The following PCDH11X variants were observed in gnomAD, a reference collection of about 807,000 sequenced individuals.
PCDH11X encodes protocadherin 11 X-linked, also known as protocadherin-11 X-linked.
In PCDH11X, 18 loss-of-function variants were observed where a neutral mutation model predicts 53.3. That is an observed-to-expected ratio of 0.34 (90% CI 0.23 to 0.50). PCDH11X has a LOEUF of 0.50. Ranked by LOEUF, PCDH11X falls within the 20% of genes least tolerant of loss-of-function variation. PCDH11X has a pLI of 0.98. For missense variants in PCDH11X, 570 were observed against 1,032.4 expected (o/e 0.55, Z 6.14); for synonymous variants, 279 against 393.3 (o/e 0.71, Z 3.44).
At position 92,133,513 on chromosome X, in the gene PCDH11X, C is replaced by G. The variant is rs188481730; in HGVS notation, c.3034-67862C>G. 4.1e-4 allele frequency among the ~76,000 whole-genome samples: 46 copies of G among 111,617 alleles called. No individual in the cohort carries two copies. The East Asian group carries it at 0.01, about 25-fold the overall frequency. On this transcript the variant is annotated intron_variant, in intron 6 of 10. Transcript: ENST00000682573. ...TCCCGAGTAGCTGGGATTGCAGGAG[C>G]CTGCTACCACGCCGGGCTAATTTTG...
At chrX:92,411,940 GAGGAGGAGGAGTGGGA>G (rs1257635690) in intron 9 of PCDH11X, among the ~76,000 whole-genome samples, 3 of 21,621 alleles carry the variant, frequency 1.4e-4, no homozygotes, top group African/African-American at 2.8e-4. Flanking sequence ...GAGGAGGGGG[GAGGAGGAGGAGTGGGA>G]GGAGGAGGAG....
chrX:92,220,389 G>T (rs1417406171), intron 7 of PCDH11X, among the ~76,000 whole-genome samples: 4 of 97,864 alleles, frequency 4.1e-5, no homozygotes, highest in Non-Finnish European at 8.2e-5. Flanking sequence ...GTGGGCAAAG[G>T]ACATGAACAG....
intron 9 of PCDH11X, among the ~76,000 whole-genome samples, chrX:92,448,237 G>A (rs1221022002): frequency 9.1e-6 from 1 of 109,840 alleles, no homozygotes; most frequent in Non-Finnish European, 1.9e-5. Flanking sequence ...GAAATGTTAA[G>A]ACGTGAGATT....
intron 7 of PCDH11X, among the ~76,000 whole-genome samples, chrX:92,218,770 T>A (rs1190345405): frequency 9.0e-6 from 1 of 111,665 alleles, no homozygotes; most frequent in Non-Finnish European, 1.9e-5. Flanking sequence ...ACCAATATCC[T>A]TGATGAACAT....
chrX:92,505,807 T>C (rs1025181593), intron 10 of PCDH11X, among the ~76,000 whole-genome samples: 2 of 111,643 alleles, frequency 1.8e-5, no homozygotes, highest in African/African-American at 6.5e-5. Flanking sequence ...TATGGAATGC[T>C]TTCTATGTGC....
intron 6 of PCDH11X, among the ~76,000 whole-genome samples, chrX:91,971,928 G>T (rs1693983736): frequency 9.0e-6 from 1 of 111,259 alleles, no homozygotes; most frequent in African/African-American, 3.3e-5. Flanking sequence ...TTGGGGTATT[G>T]GGGAGATGTT....
intron 10 of PCDH11X, among the ~76,000 whole-genome samples, chrX:92,484,177 G>GTATGTATATATATGTATATATGTATATA (rs1569494532): frequency 7.5e-5 from 3 of 40,147 alleles, no homozygotes; most frequent in Non-Finnish European, 1.4e-4. Flanking sequence ...GTATATATAT[G>GTATGTATATATATGTATATATGTATATA]TATGTATATA....
intron 10 of PCDH11X, among the ~76,000 whole-genome samples, chrX:92,492,747 G>C (rs2073788999): frequency 9.2e-6 from 1 of 108,829 alleles, no homozygotes; most frequent in Non-Finnish European, 1.9e-5. Context: ...AAATTCAGAA[G>C]AGATAGGTGC....
intron 8 of PCDH11X, among the ~76,000 whole-genome samples, chrX:92,349,396 A>G (rs1409478522): frequency 1.1e-5 from 1 of 92,741 alleles, no homozygotes; most frequent in Non-Finnish European, 2.1e-5. Context: ...ACATGTATTT[A>G]TATAAGAATG....
At chrX:92,243,335 G>T (rs1005056845) in intron 7 of PCDH11X, among the ~76,000 whole-genome samples, 60 of 110,887 alleles carry the variant, frequency 5.4e-4, no homozygotes, top group African/African-American at 1.9e-3. Context: ...ATATCCAATT[G>T]CATGAGAAAC....
chrX:91,927,140 A>G (rs1426011895), intron 6 of PCDH11X, among the ~76,000 whole-genome samples: 1 of 108,433 alleles, frequency 9.2e-6, no homozygotes, highest in Non-Finnish European at 1.9e-5. Context: ...GCTAAATAAT[A>G]CACTCACATG....
intron 7 of PCDH11X, among the ~76,000 whole-genome samples, chrX:92,210,194 TG>T (rs1448678239): frequency 9.2e-6 from 1 of 108,517 alleles, no homozygotes; most frequent in African/African-American, 3.3e-5. Flanking sequence ...TATGCAAATT[TG>T]TGCAACCAGC....
At chrX:92,099,754 T>C (rs1003281961) in intron 6 of PCDH11X, among the ~76,000 whole-genome samples, 8 of 111,660 alleles carry the variant, frequency 7.2e-5, no homozygotes, top group African/African-American at 2.3e-4. Flanking sequence ...TTCATTGCTA[T>C]GTATCCTGCT....
rs750322432 is a variant in PCDH11X, at chrX:91,877,885, C to T, written c.1645C>T (p.Pro549Ser). ...TILAKDNGVP[P>S]LTSNVTVFVS... ...TCTGGCAAAAGATAACGGGGTACCA[C>T]CCTTAACCAGCAATGTCACAGTCTT... Residue 549 changes from proline to serine, a missense_variant, in exon 6 of 11, where the codon CCC becomes TCC. By Grantham distance (74) the Pro-to-Ser change is moderately conservative. Around this residue, in one of 6 missense-constraint regions of PCDH11X, gnomAD observed 226 missense variants for 457.5 expected, o/e 0.49. Coordinates refer to ENST00000682573, the MANE Select transcript of PCDH11X (RefSeq NM_032968.5). 8.3e-7 allele frequency: 1 copy of T among 1,209,788 alleles called. No homozygotes were observed. The highest frequency in any genetic ancestry group is 1.8e-5 in the African/African-American group (1 of 57,044).
chrX:92,505,158 T>C (rs1235865223), intron 10 of PCDH11X, among the ~76,000 whole-genome samples: 1 of 79,194 alleles, frequency 1.3e-5, no homozygotes, highest in Admixed American at 1.4e-4. Context: ...TTTTCTTTTT[T>C]TTTTTTTTGT....
intron 6 of PCDH11X, among the ~76,000 whole-genome samples, chrX:92,123,788 A>G (rs1340205595): frequency 9.4e-6 from 1 of 106,618 alleles, no homozygotes; most frequent in African/African-American, 3.5e-5. Context: ...TTCTCAGAAT[A>G]GATAGAATGT....
At chrX:92,178,167 C>T (rs2065939943) in intron 6 of PCDH11X, among the ~76,000 whole-genome samples, 1 of 111,290 alleles carries the variant, frequency 9.0e-6, no homozygotes, top group Admixed American at 9.6e-5. Context: ...AGTAGGAACC[C>T]TAGGTAGAAT....
intron 6 of PCDH11X, among the ~76,000 whole-genome samples, chrX:92,148,126 CTTT>C (rs2065352008): frequency 8.2e-4 from 7 of 8,557 alleles, no homozygotes; most frequent in Non-Finnish European, 8.9e-4. Context: ...TTCTTTCTTT[CTTT>C]CTTTTTCCTT....
intron 6 of PCDH11X, among the ~76,000 whole-genome samples, chrX:92,175,271 C>T (rs187791842): frequency 1.8e-5 from 2 of 111,816 alleles, no homozygotes; most frequent in Non-Finnish European, 3.8e-5. Flanking sequence ...GCCATCGCAC[C>T]CAGCCGTAAT....
Sources: allele counts gnomAD v4.1 joint callset (sites outside exome capture counted in the v4.1 genomes callset), GRCh38; gene constraint gnomAD v4.1.1; regional missense constraint gnomAD v4.1.1; transcripts MANE v1.5; gene names NCBI Gene and HGNC (gene_info 2026-07-23, HGNC 2026-07-21).